The following AP3D1 variants were observed in gnomAD, a reference collection of about 807,000 sequenced individuals.
The protein encoded by AP3D1 is AP-3 complex subunit delta-1.
In AP3D1, 51 loss-of-function variants were observed where a neutral mutation model predicts 147.6. That is an observed-to-expected ratio of 0.35 (90% CI 0.28 to 0.44). AP3D1 has a LOEUF of 0.44. Ranked by LOEUF, AP3D1 falls within the 20% of genes least tolerant of loss-of-function variation. The probability of loss-of-function intolerance (pLI) is 1.00; values close to 1 mark genes in which losing one functional copy is unlikely to be tolerated. For synonymous variants in AP3D1, 760 were observed against 663.0 expected, an observed-to-expected ratio of 1.15 and a Z score of -2.25; for missense variants, 1,421 against 1,624.2, an observed-to-expected ratio of 0.87 and a Z score of 2.15.
rs144751477 is a variant in AP3D1, at chr19:2,136,264, C to T, written c.354+747G>A. Among the ~76,000 whole-genome samples the T allele has an allele frequency of 2.5e-3, 377 of 152,358 alleles. 3 individuals carry two copies. The highest frequency in any genetic ancestry group is 6.6e-3 in the African/African-American group (275 of 41,588). ...TGCCGGACATCAGTCACAGCCAGTG[C>T]CCCCACACCTGTCCCTCGGCGTGCT... On this transcript the variant is annotated intron_variant, in intron 4 of 31. Transcript: ENST00000643116.
In AP3D1 at chr19:2,129,436, T is replaced by A; in HGVS notation, c.614A>T (p.Asn205Ile). 6.2e-7 allele frequency: 1 copy of A among 1,613,926 alleles called. No individual in the cohort carries two copies. Among genetic ancestry groups the A allele is most frequent in the East Asian group, 2.2e-5 (1 of 44,870 alleles). ...PDPGVQSAAV[N>I]VICELARRNP... ...GCGTCTGGCCAGCTCGCAGATGACA[T>A]TGACGGCAGCCGACTGAACCCCTGG... Residue 205 changes from asparagine (N) to isoleucine (I), a missense_variant, in exon 7 of 32, where the codon AAT (asparagine) becomes ATT (isoleucine). Physicochemically the swap from Asn to Ile is moderately radical, Grantham distance 149 (BLOSUM62 -3). Coordinates refer to ENST00000643116, the MANE Select transcript of AP3D1 (RefSeq NM_001261826.3).
At chr19:2,164,172 C>G (rs765582968) in intron 1 of AP3D1, 2 of 1,158,866 alleles carry the variant, frequency 1.7e-6, no homozygotes, top group Non-Finnish European at 1.1e-6. Context: ...GTGCGGCGGC[C>G]GCGCGCGCGG....
intron 11 of AP3D1, 77 bp from the exon 12 acceptor site, chr19:2,121,956 G>A (rs2018624480): frequency 1.3e-6 from 2 of 1,485,004 alleles, no homozygotes; most frequent in African/African-American, 1.4e-5. Context: ...CGGCTCTCCG[G>A]GCCGGGTCTC....
In AP3D1 at chr19:2,116,240, G is replaced by A. The variant is rs1417436728; in HGVS notation, c.2040C>T (p.Pro680=). The change falls in exon 18 of 32, where the codon CCC becomes CCT. Residue 680 remains proline (P), a synonymous_variant. Coordinates refer to ENST00000643116, the MANE Select transcript of AP3D1 (RefSeq NM_001261826.3). ...EARKQEQANN[P]FYIKSSPSPQ... ...GCGATGGCGAGCTCTTGATGTAGAA[G>A]GGGTTGTTGGCCTGCTCCTGCTTCC... is the stretch of plus-strand genomic sequence containing the variant. 14 of 1,614,070 alleles carry A rather than the reference G, an allele frequency of 8.7e-6. No individual in the cohort carries two copies. The highest frequency in any genetic ancestry group is 1.7e-5 in the Admixed American group (1 of 59,996).
intron 1 of AP3D1, among the ~76,000 whole-genome samples, chr19:2,147,044 G>C (rs967808281): frequency 3.3e-5 from 5 of 152,182 alleles, no homozygotes; most frequent in East Asian, 1.9e-4. Flanking sequence ...ATTAAAAGGA[G>C]AGAAAACCCG....
At chr19:2,140,391 A>G (rs1191533276) in intron 1 of AP3D1, among the ~76,000 whole-genome samples, 1 of 152,150 alleles carries the variant, frequency 6.6e-6, no homozygotes, top group African/African-American at 2.4e-5. Context: ...CACCATTTCT[A>G]GTGGCCTGAA....
upstream of AP3D1, among the ~76,000 whole-genome samples, chr19:2,153,946 A>ATT (rs879565994): frequency 1.2e-4 from 9 of 74,476 alleles, no homozygotes; most frequent in Admixed American, 1.4e-4. Flanking sequence ...CCCAGCCTGA[A>ATT]TTTTTTTTTT....
chr19:2,110,063 C>T lies in AP3D1; in HGVS notation c.3264+73G>A. Reference sequence around the variant, plus strand: ...CACTTCCCCTAGGGACACCTGGACACCCACTGCGATGGGGCAGGAGGAGCC... The same window carrying T: ...CACTTCCCCTAGGGACACCTGGACATCCACTGCGATGGGGCAGGAGGAGCC... On this transcript the variant is annotated intron_variant, in intron 28 of 31. Transcript: ENST00000643116. The T allele has an allele frequency of 1.8e-5, 28 of 1,587,364 alleles. No individual in the cohort carries two copies. The South Asian group carries it at 3.1e-4, about 18-fold the overall frequency.
chr19:2,137,851 G>A (rs766975187), intron 2 of AP3D1, 44 bp from the exon 3 acceptor site: 9 of 1,594,130 alleles, frequency 5.6e-6, no homozygotes, highest in East Asian at 2.2e-5. Context: ...AGCCAAAGCA[G>A]AGAGAAAGGT....
At position 2,105,452 on chromosome 19, in the gene AP3D1, G is replaced by A. The variant is rs375409435; in HGVS notation, c.3553-3184C>T. On this transcript the variant is annotated intron_variant, in intron 31 of 31. Coordinates refer to ENST00000643116, the MANE Select transcript of AP3D1 (RefSeq NM_001261826.3). ...TAGCATGAGCGAGCTGTGTCTTCAG[G>A]GCGTGTTCCTGCTGCAGTTAACTAG... 2.6e-5 allele frequency among the ~76,000 whole-genome samples: 4 copies of A among 152,190 alleles called. No individual in the cohort carries two copies. In the East Asian group the frequency reaches 7.7e-4, roughly 29 times the overall value.
At chr19:2,128,250 TCCACAACCTTGCAGTGCGGAGA>T (rs2018815657) in intron 8 of AP3D1, among the ~76,000 whole-genome samples, 1 of 152,070 alleles carries the variant, frequency 6.6e-6, no homozygotes. Flanking sequence ...AGGATCCCAT[TCCACAACCTTGCAGTGCGGAGA>T]CCCACAAAGA....
rs573454363 is a variant in AP3D1 at position 2,110,736 on chromosome 19, C to G, written c.3146G>C (p.Gly1049Ala). 28 of 1,607,630 alleles carry G rather than the reference C, an allele frequency of 1.7e-5. No individual in the cohort carries two copies. In the South Asian group the frequency reaches 2.8e-4, roughly 16 times the overall value. The change falls in exon 27 of 32, where the codon GGC (glycine) becomes GCC (alanine). Residue 1049 changes from glycine to alanine, a missense_variant. By Grantham distance (60) the Gly-to-Ala change is moderately conservative. Coordinates refer to ENST00000643116, the MANE Select transcript of AP3D1 (RefSeq NM_001261826.3). ...GGGCAGCTGGAAAGGCACGGGGACGCCATCGTGGACGGAGGAGCCCTGCGG... is the reference window on the plus strand; with the variant it reads ...GGGCAGCTGGAAAGGCACGGGGACGGCATCGTGGACGGAGGAGCCCTGCGG... ...ARPQGSSVHDGVPVPFQLPPG... is the reference protein window; with the variant it reads ...ARPQGSSVHDAVPVPFQLPPG...
upstream of AP3D1, among the ~76,000 whole-genome samples, chr19:2,153,753 C>T (rs899856901): frequency 6.6e-6 from 1 of 151,694 alleles, no homozygotes; most frequent in African/African-American, 2.4e-5. Flanking sequence ...GCATTTCTAT[C>T]GGGAACAGTA....
At chr19:2,103,528 A>G (rs910539965) in intron 31 of AP3D1, among the ~76,000 whole-genome samples, 7 of 152,234 alleles carry the variant, frequency 4.6e-5, no homozygotes, top group Non-Finnish European at 8.8e-5. Flanking sequence ...GAAGCTGCTC[A>G]CGATCTGCTA....
At chr19:2,114,622 G>GGCCCCCCC in intron 21 of AP3D1, 126 bp downstream of exon 21, 8 of 665,738 alleles carry the variant, frequency 1.2e-5, no homozygotes, top group Admixed American at 2.3e-5. Flanking sequence ...TCTGGGGAAG[G>GGCCCCCCC]CCCGCCCGCA....
At position 2,101,899 on chromosome 19, in the gene AP3D1, C is replaced by T. The variant is rs972283869; in HGVS notation, c.*274G>A. On this transcript the variant is annotated 3_prime_UTR_variant, in exon 32 of 32. Coordinates refer to ENST00000643116, the MANE Select transcript of AP3D1 (RefSeq NM_001261826.3). The stretch of plus-strand genomic sequence containing the variant: ...CAAGGACTCGGCCCCCAGCGCGGGG[C>T]AGGGCACAGACCCAGGTGGGGGAGT... The T allele has an allele frequency of 6.7e-6, 3 of 450,776 alleles. No homozygotes were observed. The highest frequency in any genetic ancestry group is 2.0e-5 in the African/African-American group (1 of 48,958). 27.9% of individuals were successfully genotyped at this position (450,776 alleles called of 1,614,324 possible). A position where few individuals can be genotyped will look rare whatever the true frequency, so the allele number is the denominator to read the frequency against.
At chr19:2,164,166 G>C (rs975526471) in intron 1 of AP3D1, 4 of 1,212,252 alleles carry the variant, frequency 3.3e-6, no homozygotes, top group Non-Finnish European at 3.1e-6. Context: ...AGCATGGTGC[G>C]GCGGCCGCGC....
rs543292788 is a variant in AP3D1 at position 2,111,274 on chromosome 19, C to G, written c.2985+11G>C. 2.7e-5 allele frequency: 43 copies of G among 1,613,924 alleles called. No individual in the cohort carries two copies. In the East Asian group the frequency reaches 9.6e-4, roughly 36 times the overall value. The stretch of plus-strand genomic sequence containing the variant: ...TGGCCCACCCTGCCCCTGGGAGCGG[C>G]TGCCACTCACCATTTTAACATAGGA... On this transcript the variant is annotated intron_variant, in intron 26 of 31. Coordinates refer to ENST00000643116, the MANE Select transcript of AP3D1 (RefSeq NM_001261826.3).
At chr19:2,126,667 A>G (rs1262778169) in intron 9 of AP3D1, among the ~76,000 whole-genome samples, 2 of 151,632 alleles carry the variant, frequency 1.3e-5, no homozygotes, top group Admixed American at 1.3e-4. Flanking sequence ...AAAAAAAAAA[A>G]AAAAGAAAGA....
Sources: gnomAD v4.1 joint callset for allele counts (sites outside exome capture counted in the v4.1 genomes callset) on GRCh38, gnomAD v4.1.1 for gene constraint, MANE v1.5 for transcripts, NCBI Gene and HGNC (gene_info 2026-07-23, HGNC 2026-07-21) for gene names.